The following ZNF407 variants were observed in gnomAD, a reference collection of about 807,000 sequenced individuals.
ZNF407 encodes zinc finger protein 407.
A neutral mutation model predicts 131.2 loss-of-function variants in ZNF407; 17 were observed. That is an observed-to-expected ratio of 0.13 (90% CI 0.09 to 0.19). The LOEUF is 0.19. ZNF407 is among the 10% of genes least tolerant of loss of function. The pLI, the probability that ZNF407 is intolerant of heterozygous loss-of-function variation, is 1.00. For synonymous variants in ZNF407, 1,156 were observed against 1,062.0 expected, an observed-to-expected ratio of 1.09 and a Z score of -1.72; for missense variants, 2,681 against 2,830.6, an observed-to-expected ratio of 0.95 and a Z score of 1.20.
chr18:74,643,330 A>C (rs1406113893), intron 3 of ZNF407, among the ~76,000 whole-genome samples: 2 of 152,072 alleles, frequency 1.3e-5, no homozygotes, highest in Non-Finnish European at 1.5e-5. Context: ...AATTGCTATA[A>C]ATTTTACCTT....
chr18:74,840,144 G>T (rs919543991), intron 4 of ZNF407, among the ~76,000 whole-genome samples: 1 of 152,072 alleles, frequency 6.6e-6, no homozygotes, highest in Non-Finnish European at 1.5e-5. Context: ...CATGGCTTTC[G>T]GGAAACCACA....
intron 5 of ZNF407, among the ~76,000 whole-genome samples, chr18:74,879,391 A>T (rs1459150801): frequency 1.3e-5 from 2 of 152,164 alleles, no homozygotes; most frequent in African/African-American, 4.8e-5. Flanking sequence ...TCACACGCAC[A>T]GCAGGCAGCA....
intron 8 of ZNF407, among the ~76,000 whole-genome samples, chr18:75,047,528 C>T (rs1027253500): frequency 6.6e-6 from 1 of 151,898 alleles, no homozygotes; most frequent in Non-Finnish European, 1.5e-5. Context: ...AGAGGCTTTT[C>T]CAAGAGGATT....
At chr18:74,947,244 C>T (rs1032583903) in intron 8 of ZNF407, among the ~76,000 whole-genome samples, 6 of 152,114 alleles carry the variant, frequency 3.9e-5, no homozygotes, top group African/African-American at 7.2e-5. Flanking sequence ...TGCTTCCTCC[C>T]CTCCGCCCAG....
intron 7 of ZNF407, among the ~76,000 whole-genome samples, chr18:74,892,498 G>A (rs1371555825): frequency 6.6e-6 from 1 of 152,178 alleles, no homozygotes; most frequent in Non-Finnish European, 1.5e-5. Flanking sequence ...CATCTCAGGT[G>A]AATGTTTCAT....
intron 3 of ZNF407, among the ~76,000 whole-genome samples, chr18:74,759,182 A>C (rs796080628): frequency 6.6e-6 from 1 of 151,934 alleles, no homozygotes; most frequent in African/African-American, 2.4e-5. Context: ...TCTGACTTGC[A>C]TAGTTTGTGT....
At chr18:74,860,266 T>A (rs979816183) in intron 4 of ZNF407, among the ~76,000 whole-genome samples, 1 of 151,928 alleles carries the variant, frequency 6.6e-6, no homozygotes, top group South Asian at 2.1e-4. Flanking sequence ...CATCGCACTC[T>A]AGCCTTGGCA....
chr18:74,700,265 A>G (rs141678414), intron 3 of ZNF407, among the ~76,000 whole-genome samples: 68 of 152,320 alleles, frequency 4.5e-4, no homozygotes, highest in African/African-American at 1.6e-3. Flanking sequence ...TACATTTGAA[A>G]CCTTTCACTT....
At chr18:74,599,579 G>T (rs1982488560) in intron 1 of ZNF407, among the ~76,000 whole-genome samples, 1 of 152,190 alleles carries the variant, frequency 6.6e-6, no homozygotes, top group Non-Finnish European at 1.5e-5. Context: ...CACAGTGGAA[G>T]TTACGGCTGA....
rs561908986 is a variant in ZNF407, at chr18:74,955,157, G to C, written c.5428+34465G>C. On this transcript the variant is annotated intron_variant, in intron 8 of 8. Transcript: ENST00000299687. ...TAGTGCTGAGGGGCCGTTTAGGGTCGTTTAGGGATGGGCTGAGCTGCAGAA... is the reference window on the plus strand; with the variant it reads ...TAGTGCTGAGGGGCCGTTTAGGGTCCTTTAGGGATGGGCTGAGCTGCAGAA... 3.0e-4 allele frequency among the ~76,000 whole-genome samples: 45 copies of C among 152,224 alleles called. 1 individual carries two copies. Among genetic ancestry groups the C allele is most frequent in the African/African-American group, 9.1e-4 (38 of 41,532 alleles).
intron 8 of ZNF407, among the ~76,000 whole-genome samples, chr18:75,026,781 A>G (rs1400854133): frequency 6.6e-6 from 1 of 152,206 alleles, no homozygotes; most frequent in Non-Finnish European, 1.5e-5. Context: ...CGGATGATGA[A>G]AGGATTTCCT....
chr18:74,911,129 A>G (rs925023908), intron 7 of ZNF407, among the ~76,000 whole-genome samples: 5 of 152,198 alleles, frequency 3.3e-5, no homozygotes, highest in African/African-American at 1.2e-4. Context: ...ACTGTTTTAC[A>G]TGTAGCTTTT....
chr18:74,874,080 T>C (rs1222632829), intron 4 of ZNF407, among the ~76,000 whole-genome samples: 1 of 152,172 alleles, frequency 6.6e-6, no homozygotes, highest in African/African-American at 2.4e-5. Flanking sequence ...TAGCACTGTT[T>C]GGCGTTTTGA....
chr18:74,662,175 G>T (rs1204608852), intron 3 of ZNF407, among the ~76,000 whole-genome samples: 1 of 151,106 alleles, frequency 6.6e-6, no homozygotes, highest in Non-Finnish European at 1.5e-5. Context: ...TTTTCTGTTT[G>T]CTGCATGCTT....
chr18:74,846,496 C>T (rs142054850), intron 4 of ZNF407, among the ~76,000 whole-genome samples: 2,339 of 151,504 alleles, frequency 0.015, 71 homozygotes, highest in African/African-American at 0.053. Flanking sequence ...CATGCCACCA[C>T]GCCCAGCTAA....
intron 1 of ZNF407, among the ~76,000 whole-genome samples, chr18:74,605,223 A>ATTAGT (rs763826223): frequency 0.11 from 16,657 of 152,150 alleles, 1,012 homozygotes; most frequent in Non-Finnish European, 0.14. Context: ...CTTCACCCCC[A>ATTAGT]GCTACTTAGT....
At chr18:74,880,364 A>G (rs924395358) in intron 5 of ZNF407, among the ~76,000 whole-genome samples, 1 of 152,258 alleles carries the variant, frequency 6.6e-6, no homozygotes, top group African/African-American at 2.4e-5. Context: ...CAGAGCTGTC[A>G]TTAAAGATGA....
At chr18:74,775,101 G>A (rs1969440667) in intron 3 of ZNF407, among the ~76,000 whole-genome samples, 1 of 152,074 alleles carries the variant, frequency 6.6e-6, no homozygotes, top group Admixed American at 6.5e-5. Context: ...ATAGATAAAA[G>A]GATAAACCTT....
At chr18:74,706,344 A>G (rs1199578505) in intron 3 of ZNF407, among the ~76,000 whole-genome samples, 3 of 152,202 alleles carry the variant, frequency 2.0e-5, no homozygotes, top group Admixed American at 6.5e-5. Context: ...TGTTGTATTC[A>G]TTGTTCACCT....
Sources: allele counts gnomAD v4.1 joint callset (sites outside exome capture counted in the v4.1 genomes callset), GRCh38; gene constraint gnomAD v4.1.1; transcripts MANE v1.5; gene names NCBI Gene and HGNC (gene_info 2026-07-23, HGNC 2026-07-21).